CRB1: variants seen among roughly 807,000 people sequenced by gnomAD.
CRB1 encodes the protein protein crumbs homolog 1.
CRB1 carries 83 observed loss-of-function variants against 120.0 expected under a neutral mutation model. The ratio of observed to expected loss-of-function variants is 0.69; its 90% CI spans 0.58 to 0.83. The LOEUF is 0.83. CRB1 is among the 40% of genes least tolerant of loss of function. The pLI is 0.00. For missense variants in CRB1, 1,699 were observed against 1,687.6 expected, an observed-to-expected ratio of 1.01 and a Z score of -0.12; for synonymous variants, 625 against 612.5, an observed-to-expected ratio of 1.02 and a Z score of -0.30.
chr1:197,430,018 T>C (rs1272935353), intron 8 of CRB1, among the ~76,000 whole-genome samples: 2 of 152,196 alleles, frequency 1.3e-5, no homozygotes, highest in Non-Finnish European at 2.9e-5. Context: ...ACCTGTAAAA[T>C]AGGGAGAACA....
At chr1:197,211,794 G>A in the CRB1 span, among the ~76,000 whole-genome samples, 24,578 of 132,658 alleles carry the variant, frequency 0.19, 2,252 homozygotes, top group South Asian at 0.27. Flanking sequence ...AAATTGAAAT[G>A]CATCAATATT....
the CRB1 span, among the ~76,000 whole-genome samples, chr1:197,221,865 A>G: frequency 1.3e-5 from 2 of 152,124 alleles, no homozygotes; most frequent in Non-Finnish European, 2.9e-5. Context: ...CCTCTCTTCC[A>G]TTTATGACAA....
chr1:197,250,243 A>G, the CRB1 span, among the ~76,000 whole-genome samples: 11 of 151,884 alleles, frequency 7.2e-5, no homozygotes, highest in African/African-American at 2.4e-4. Flanking sequence ...GAGGCAGGGG[A>G]AAATCTTTTC....
At chr1:197,219,141 T>C in the CRB1 span, among the ~76,000 whole-genome samples, 2 of 152,160 alleles carry the variant, frequency 1.3e-5, no homozygotes, top group Admixed American at 1.3e-4. Flanking sequence ...TATGACAAAA[T>C]TGGCCACAAG....
intron 11 of CRB1, among the ~76,000 whole-genome samples, chr1:197,459,316 C>T (rs1666421644): frequency 6.6e-6 from 1 of 152,146 alleles, no homozygotes; most frequent in African/African-American, 2.4e-5. Context: ...CTACAATTCA[C>T]TTTCTGACTA....
chr1:197,239,670 C>T, the CRB1 span, among the ~76,000 whole-genome samples: 1 of 150,850 alleles, frequency 6.6e-6, no homozygotes, highest in African/African-American at 2.4e-5. Context: ...ATTTTACCCA[C>T]TTACAAATAA....
At chr1:197,256,071 T>C in the CRB1 span, among the ~76,000 whole-genome samples, 1 of 148,766 alleles carries the variant, frequency 6.7e-6, no homozygotes, top group Non-Finnish European at 1.5e-5. Flanking sequence ...TATTTCTCCT[T>C]TCATTTTCTC....
At position 197,429,594 on chromosome 1, in the gene CRB1, C is replaced by A. The variant is rs77334581; in HGVS notation, c.2822C>A (p.Pro941Gln). The change falls in exon 8 of 12, where the codon CCG (proline) becomes CAG (glutamine). Residue 941 changes from proline (P) to glutamine (Q), a missense_variant. By Grantham distance (76) the Pro-to-Gln change is moderately conservative (BLOSUM62 -1). Transcript: ENST00000367400. The stretch of plus-strand genomic sequence containing the variant: ...TGTCCTCACGGAGCCCAGTGCCAGC[C>A]GGTGCTTCAAGGATTTGAATGTAGG... ...SPCPHGAQCQ[P>Q]VLQGFECIAN... 1.2e-6 allele frequency: 2 copies of A among 1,613,792 alleles called. No homozygotes were observed. The highest frequency in any genetic ancestry group is 1.3e-5 in the African/African-American group (1 of 74,866).
intron 8 of CRB1, among the ~76,000 whole-genome samples, chr1:197,431,443 C>T (rs979872920): frequency 2.6e-5 from 4 of 152,124 alleles, no homozygotes; most frequent in African/African-American, 9.7e-5. Flanking sequence ...TTTCATTCTA[C>T]TTCTTTAATT....
rs117118438 is a variant in CRB1 at position 197,365,100 on chromosome 1, G to A, written c.1171+8087G>A. On this transcript the variant is annotated intron_variant, in intron 5 of 11. Transcript: ENST00000367400. ...GGGTCCAATGATCAGTTTATTTTCT[G>A]ATTCTTTGCTGTGTTGTTTTGACCT... Among the ~76,000 whole-genome samples, 102 of 152,296 alleles carry A rather than the reference G, an allele frequency of 6.7e-4. 2 individuals are homozygous for A. In the East Asian group the frequency reaches 0.017, roughly 26 times the overall value.
chr1:197,365,699 G>T (rs1661035459), intron 5 of CRB1, among the ~76,000 whole-genome samples: 1 of 134,314 alleles, frequency 7.4e-6, no homozygotes, highest in Admixed American at 8.2e-5. Flanking sequence ...GCCTTGTGTT[G>T]TAGGTGGGAC....
At chr1:197,213,785 T>C in the CRB1 span, among the ~76,000 whole-genome samples, 1 of 152,080 alleles carries the variant, frequency 6.6e-6, no homozygotes, top group South Asian at 2.1e-4. Flanking sequence ...GAACAACCAA[T>C]GGTTCAAAAA....
the CRB1 span, among the ~76,000 whole-genome samples, chr1:197,238,950 CTT>C: frequency 6.6e-6 from 1 of 152,068 alleles, no homozygotes; most frequent in Non-Finnish European, 1.5e-5. Context: ...TGAAAAGTGT[CTT>C]TCTTTTGGTG....
intron 11 of CRB1, among the ~76,000 whole-genome samples, chr1:197,471,231 G>A (rs1211950948): frequency 1.3e-5 from 2 of 152,100 alleles, no homozygotes; most frequent in Non-Finnish European, 2.9e-5. Flanking sequence ...CCCCCAATCA[G>A]CATAGTTATA....
At chr1:197,287,636 A>G in intron 1 of CRB1, among the ~76,000 whole-genome samples, 1 of 151,816 alleles carries the variant, frequency 6.6e-6, no homozygotes, top group Admixed American at 6.6e-5. Context: ...AGAGACAGTA[A>G]CAAAGCAAAA....
intron 11 of CRB1, among the ~76,000 whole-genome samples, chr1:197,471,532 G>A (rs1666976450): frequency 6.6e-6 from 1 of 152,134 alleles, no homozygotes; most frequent in Admixed American, 6.5e-5. Flanking sequence ...CTGCTCAGAG[G>A]GAAAGGTGCC....
the CRB1 span, among the ~76,000 whole-genome samples, chr1:197,245,185 A>G: frequency 3.3e-5 from 5 of 151,998 alleles, no homozygotes; most frequent in Non-Finnish European, 7.4e-5. Flanking sequence ...AACATTAGGT[A>G]TATCTCCTAA....
intron 7 of CRB1, 75 bp from the exon 8 acceptor site, chr1:197,429,374 T>C: frequency 1.3e-6 from 2 of 1,526,728 alleles, no homozygotes; most frequent in Non-Finnish European, 1.8e-6. Context: ...AAAAAACAGA[T>C]ATGTGGTTTC....
chr1:197,446,714 A>C (rs1037117527), intron 11 of CRB1, among the ~76,000 whole-genome samples: 3 of 152,212 alleles, frequency 2.0e-5, no homozygotes, highest in Admixed American at 1.3e-4. Context: ...TTGCACTACC[A>C]TATATAGTTG....
Sources: gnomAD v4.1 joint callset for allele counts (sites outside exome capture counted in the v4.1 genomes callset) on GRCh38, gnomAD v4.1.1 for gene constraint, MANE v1.5 for transcripts, NCBI Gene and HGNC (gene_info 2026-07-23, HGNC 2026-07-21) for gene names.